TNNI3K: variants seen among roughly 807,000 people sequenced by gnomAD.
The protein encoded by TNNI3K is TNNI3 interacting kinase, also known as serine/threonine-protein kinase TNNI3K.
Under a neutral mutation model 114.5 loss-of-function variants are expected in TNNI3K, and 140 were observed. That is an observed-to-expected ratio of 1.22 (90% confidence interval 1.07 to 1.41). The LOEUF is 1.41. Among genes scored for constraint, TNNI3K ranks in the 40% most tolerant of loss-of-function variants. The probability of loss-of-function intolerance (pLI) is 0.00; values close to 1 mark genes in which losing one functional copy is unlikely to be tolerated. For missense variants in TNNI3K, 1,125 were observed against 1,007.6 expected (o/e 1.12, Z -1.58); for synonymous variants, 347 against 347.5 (o/e 1.00, Z 0.02).
intron 20 of TNNI3K, among the ~76,000 whole-genome samples, chr1:74,454,560 T>C (rs1287012754): frequency 1.3e-5 from 2 of 152,194 alleles, no homozygotes; most frequent in Non-Finnish European, 2.9e-5. Flanking sequence ...TCATTCTTTT[T>C]ATGTCTGAAT....
intron 23 of TNNI3K, among the ~76,000 whole-genome samples, chr1:74,500,603 C>CAAAAAA (rs561290319): frequency 6.9e-5 from 3 of 43,290 alleles, no homozygotes; most frequent in Non-Finnish European, 8.6e-5. Flanking sequence ...GACTCCGTCT[C>CAAAAAA]AAAAAAAAAA....
chr1:74,507,710 A>G (rs904741099), intron 23 of TNNI3K, among the ~76,000 whole-genome samples: 5 of 152,228 alleles, frequency 3.3e-5, no homozygotes, highest in African/African-American at 1.2e-4. Context: ...AGAATTTCAA[A>G]GAACTTGTTT....
chr1:74,418,838 A>G (rs1424905163), intron 17 of TNNI3K, among the ~76,000 whole-genome samples: 6 of 151,934 alleles, frequency 3.9e-5, no homozygotes, highest in Admixed American at 1.3e-4. Context: ...GGTCATTGCA[A>G]TGTTTTATAA....
In TNNI3K at chr1:74,404,212, A is replaced by C. The variant is rs45538136; in HGVS notation, c.1773-31868A>C. Among the ~76,000 whole-genome samples, 982 of 152,228 alleles carry C rather than the reference A, an allele frequency of 6.5e-3. 9 individuals are homozygous for C. Among genetic ancestry groups the C allele is most frequent in the African/African-American group, 0.023 (944 of 41,532 alleles). ...ATCCTTTTCATCACCACCAAGGGTA[A>C]ATCAGAATTTATATCTTCCCCATCC... On this transcript the variant is annotated intron_variant, in intron 17 of 24. Transcript: ENST00000326637.
At chr1:74,393,736 G>A (rs2100574660) in intron 17 of TNNI3K, among the ~76,000 whole-genome samples, 1 of 152,250 alleles carries the variant, frequency 6.6e-6, no homozygotes, top group East Asian at 1.9e-4. Flanking sequence ...GGGGGATGGG[G>A]GCCCTGAGGG....
chr1:74,463,984 A>C (rs1267688957), intron 21 of TNNI3K, among the ~76,000 whole-genome samples: 1 of 152,222 alleles, frequency 6.6e-6, no homozygotes, highest in African/African-American at 2.4e-5. Flanking sequence ...CTGGGTCCTA[A>C]TCCCTCTCTA....
chr1:74,268,494 C>T (rs906889539), intron 4 of TNNI3K, among the ~76,000 whole-genome samples: 4 of 151,676 alleles, frequency 2.6e-5, no homozygotes, highest in African/African-American at 9.7e-5. Flanking sequence ...TTGTTTGTTG[C>T]AGTGCCTAAC....
intron 11 of TNNI3K, among the ~76,000 whole-genome samples, chr1:74,361,154 C>G (rs1313387520): frequency 6.6e-6 from 1 of 152,076 alleles, no homozygotes; most frequent in African/African-American, 2.4e-5. Context: ...TTCAAATAAA[C>G]AGGCAAAATA....
intron 20 of TNNI3K, among the ~76,000 whole-genome samples, chr1:74,452,753 G>C (rs981441944): frequency 6.6e-6 from 1 of 152,030 alleles, no homozygotes; most frequent in Non-Finnish European, 1.5e-5. Flanking sequence ...AATCTTCAAA[G>C]CCCCTTATGA....
chr1:74,247,117 T>G (rs1205312465), intron 2 of TNNI3K, among the ~76,000 whole-genome samples: 1 of 152,174 alleles, frequency 6.6e-6, no homozygotes, highest in Non-Finnish European at 1.5e-5. Context: ...ACCCTCGCAG[T>G]GAGTGTTCAG....
intron 11 of TNNI3K, among the ~76,000 whole-genome samples, chr1:74,361,604 A>C (rs1661971076): frequency 6.6e-6 from 1 of 152,102 alleles, no homozygotes; most frequent in Admixed American, 6.6e-5. Context: ...TTGCATTTTT[A>C]ACTTGAAGAC....
At chr1:74,444,655 C>T (rs952493231) in intron 20 of TNNI3K, among the ~76,000 whole-genome samples, 24 of 151,978 alleles carry the variant, frequency 1.6e-4, no homozygotes, top group African/African-American at 5.6e-4. Context: ...TAACTATTGA[C>T]GTTCTTCACA....
chr1:74,333,793 G>C (rs954119095), intron 6 of TNNI3K, among the ~76,000 whole-genome samples: 2 of 152,086 alleles, frequency 1.3e-5, no homozygotes, highest in Non-Finnish European at 2.9e-5. Context: ...ATATTTCCTA[G>C]GTATGTAATA....
chr1:74,353,865 C>T (rs979937997), intron 10 of TNNI3K, 115 bp from the exon 11 acceptor site: 8 of 1,379,724 alleles, frequency 5.8e-6, no homozygotes, highest in Non-Finnish European at 7.7e-6. Flanking sequence ...AGAAATCAAT[C>T]CTTACTTCAT....
intron 5 of TNNI3K, among the ~76,000 whole-genome samples, chr1:74,304,463 C>G (rs189695791): frequency 7.2e-5 from 11 of 152,132 alleles, no homozygotes; most frequent in Admixed American, 5.2e-4. Context: ...TATCTTTAGA[C>G]ACAGGGTCTT....
chr1:74,335,851 G>A (rs1244718031), intron 6 of TNNI3K, among the ~76,000 whole-genome samples, 160 bp from the exon 7 acceptor site: 1 of 150,224 alleles, frequency 6.7e-6, no homozygotes, highest in Non-Finnish European at 1.5e-5. Context: ...TTAAGCTGTT[G>A]TATTAATCAA....
At chr1:74,252,867 G>A (rs540073974) in intron 4 of TNNI3K, among the ~76,000 whole-genome samples, 2 of 152,294 alleles carry the variant, frequency 1.3e-5, no homozygotes, top group East Asian at 1.9e-4. Flanking sequence ...GAACAACAAA[G>A]CTTCCAAAGT....
chr1:74,526,969 A>C (rs912077304), intron 23 of TNNI3K, among the ~76,000 whole-genome samples: 1 of 152,264 alleles, frequency 6.6e-6, no homozygotes, highest in South Asian at 2.1e-4. Flanking sequence ...TAGTTGCAAG[A>C]GACCATATGG....
At chr1:74,412,084 A>T (rs11210457) in intron 17 of TNNI3K, among the ~76,000 whole-genome samples, 94,312 of 152,048 alleles carry the variant, frequency 0.62, 32,969 homozygotes, top group East Asian at 0.81. Flanking sequence ...AGCAACACAG[A>T]TTAGATAAAA....
Sources: allele counts gnomAD v4.1 joint callset (sites outside exome capture counted in the v4.1 genomes callset), GRCh38; gene constraint gnomAD v4.1.1; transcripts MANE v1.5; gene names NCBI Gene and HGNC (gene_info 2026-07-23, HGNC 2026-07-21).